The following PPM1E variants were observed in gnomAD, a reference collection of about 807,000 sequenced individuals.
PPM1E encodes the protein protein phosphatase 1E.
In PPM1E, 20 loss-of-function variants were observed where a neutral mutation model predicts 65.9. The observed-to-expected ratio is 0.30, with a 90% confidence interval of 0.21 to 0.44. The LOEUF (loss-of-function observed/expected upper bound fraction) is 0.44. Ranked by LOEUF, PPM1E falls within the 20% of genes least tolerant of loss-of-function variation. The pLI, the probability that PPM1E is intolerant of heterozygous loss-of-function variation, is 1.00. For missense variants in PPM1E, 713 were observed against 953.1 expected (o/e 0.75, Z 3.32); for synonymous variants, 352 against 374.9 (o/e 0.94, Z 0.70).
chr17:58,795,558 A>T (rs1375349208), intron 1 of PPM1E, among the ~76,000 whole-genome samples: 1 of 151,866 alleles, frequency 6.6e-6, no homozygotes, highest in Non-Finnish European at 1.5e-5. Flanking sequence ...CAAAAAATTA[A>T]CTGGATGTGG....
In PPM1E at chr17:58,957,692, T is replaced by A. The variant is rs2029898458; in HGVS notation, c.583+1925T>A. Among the ~76,000 whole-genome samples the A allele has an allele frequency of 1.3e-5, 2 of 152,170 alleles. 1 individual carries two copies. The highest frequency in any genetic ancestry group is 4.1e-4 in the South Asian group (2 of 4,826). ...TCACTGAAGTGCCTTTTGTCTCTCCTCTTGGTTGTTTCCAAAAACAGTCTT... is the reference window on the plus strand; with the variant it reads ...TCACTGAAGTGCCTTTTGTCTCTCCACTTGGTTGTTTCCAAAAACAGTCTT... On this transcript the variant is annotated intron_variant, in intron 2 of 6. Transcript: ENST00000308249.
At chr17:58,910,084 G>C (rs1160893344) in intron 1 of PPM1E, among the ~76,000 whole-genome samples, 1 of 151,688 alleles carries the variant, frequency 6.6e-6, no homozygotes, top group Non-Finnish European at 1.5e-5. Flanking sequence ...TGTATTTTTG[G>C]TAGAGAAGGG....
chr17:58,839,180 G>A (rs961158123), intron 1 of PPM1E, among the ~76,000 whole-genome samples: 1 of 152,036 alleles, frequency 6.6e-6, no homozygotes, highest in Non-Finnish European at 1.5e-5. Context: ...TTTAACAATA[G>A]CTTTCACAGG....
At chr17:58,897,899 G>C (rs950245537) in intron 1 of PPM1E, 9 of 152,394 alleles carry the variant, frequency 5.9e-5, no homozygotes, top group African/African-American at 2.2e-4. Context: ...AAGATCATTT[G>C]AGCCCAGGAG....
intron 1 of PPM1E, among the ~76,000 whole-genome samples, chr17:58,809,172 A>T (rs1166588432): frequency 6.6e-6 from 1 of 152,124 alleles, no homozygotes; most frequent in Non-Finnish European, 1.5e-5. Context: ...AGCTTACTGC[A>T]GCCTTGAATT....
rs2031455676 is a variant in PPM1E, at chr17:58,983,006, T to C, written c.*1975T>C. 7.8e-7 allele frequency: 1 copy of C among 1,285,264 alleles called. No individual in the cohort carries two copies. The highest frequency in any genetic ancestry group is 1.5e-5 in the African/African-American group (1 of 66,454). 79.6% of individuals were successfully genotyped at this position (1,285,264 alleles called of 1,614,324 possible). A position where few individuals can be genotyped will look rare whatever the true frequency, so the allele number is the denominator to read the frequency against. ...TTAGCGAAGTAAAAAAAAAAGCTTT[T>C]TAAAATTTCTATTGTTGTCTATTGG... On this transcript the variant is annotated 3_prime_UTR_variant, in exon 7 of 7. Coordinates refer to ENST00000308249, the MANE Select transcript of PPM1E (RefSeq NM_014906.5).
chr17:58,778,046 C>T (rs1390248241), intron 1 of PPM1E, among the ~76,000 whole-genome samples: 2 of 152,132 alleles, frequency 1.3e-5, no homozygotes, highest in Non-Finnish European at 2.9e-5. Flanking sequence ...CTTCCCATCT[C>T]AGCCTCCTGA....
intron 1 of PPM1E, among the ~76,000 whole-genome samples, chr17:58,778,402 CTTTT>C (rs59155396): frequency 1.2e-5 from 1 of 86,066 alleles, no homozygotes; most frequent in African/African-American, 4.2e-5. Flanking sequence ...GGCTGGCCAT[CTTTT>C]TTTTTTTTTT....
chr17:58,781,338 G>A (rs2050047825), intron 1 of PPM1E, among the ~76,000 whole-genome samples: 1 of 151,488 alleles, frequency 6.6e-6, no homozygotes, highest in African/African-American at 2.4e-5. Context: ...ACGGGGTTTT[G>A]CCACATTGGC....
chr17:58,820,634 A>G (rs894881937), intron 1 of PPM1E, among the ~76,000 whole-genome samples: 1 of 152,220 alleles, frequency 6.6e-6, no homozygotes, highest in Non-Finnish European at 1.5e-5. Flanking sequence ...AGACTATATG[A>G]ATAAGTTAAA....
intron 1 of PPM1E, among the ~76,000 whole-genome samples, chr17:58,778,155 A>G (rs1366103341): frequency 6.6e-6 from 1 of 151,856 alleles, no homozygotes; most frequent in Non-Finnish European, 1.5e-5. Flanking sequence ...GCTGGAGTGC[A>G]GTGGCCTGAT....
At chr17:58,768,637 A>G (rs1245330892) in intron 1 of PPM1E, among the ~76,000 whole-genome samples, 2 of 152,162 alleles carry the variant, frequency 1.3e-5, no homozygotes, top group Non-Finnish European at 2.9e-5. Context: ...GAAAAGAAAA[A>G]GTTAACAATT....
intron 1 of PPM1E, among the ~76,000 whole-genome samples, chr17:58,894,307 T>A (rs555682740): frequency 8.7e-4 from 132 of 152,258 alleles, no homozygotes; most frequent in Admixed American, 1.5e-3. Flanking sequence ...GAAGTCTATT[T>A]TTTAAAAAAT....
intron 1 of PPM1E, among the ~76,000 whole-genome samples, chr17:58,873,050 A>G (rs529292156): frequency 2.0e-5 from 3 of 152,352 alleles, no homozygotes; most frequent in African/African-American, 7.2e-5. Context: ...CTCAAGGCTC[A>G]AAATTATCTA....
chr17:58,968,570 C>G (rs1158285026), intron 3 of PPM1E, among the ~76,000 whole-genome samples: 2 of 152,170 alleles, frequency 1.3e-5, no homozygotes, highest in African/African-American at 4.8e-5. Context: ...CAATGACAGG[C>G]CTGGACTCCT....
intron 1 of PPM1E, among the ~76,000 whole-genome samples, chr17:58,878,735 C>T (rs189529546): frequency 6.6e-6 from 1 of 150,506 alleles, no homozygotes; most frequent in African/African-American, 2.4e-5. Context: ...GAGTTTGAGA[C>T]CAGCCTGACC....
chr17:58,801,510 C>T (rs2050258059), intron 1 of PPM1E, among the ~76,000 whole-genome samples: 3 of 144,766 alleles, frequency 2.1e-5, no homozygotes, highest in South Asian at 2.2e-4. Flanking sequence ...GGCACGATCT[C>T]GGCTCACTGC....
intron 1 of PPM1E, among the ~76,000 whole-genome samples, chr17:58,879,155 A>G (rs1379153271): frequency 6.6e-6 from 1 of 151,980 alleles, no homozygotes; most frequent in Non-Finnish European, 1.5e-5. Context: ...AAGGATCTTA[A>G]TCTCATAGTC....
At chr17:58,798,273 G>A (rs918931467) in intron 1 of PPM1E, among the ~76,000 whole-genome samples, 2 of 142,440 alleles carry the variant, frequency 1.4e-5, no homozygotes, top group African/African-American at 5.3e-5. Context: ...CTGTTGCCCA[G>A]GCTGGAGTGC....
Sources: allele counts gnomAD v4.1 joint callset (sites outside exome capture counted in the v4.1 genomes callset), GRCh38; gene constraint gnomAD v4.1.1; transcripts MANE v1.5; gene names NCBI Gene and HGNC (gene_info 2026-07-23, HGNC 2026-07-21).